Variants in DZIP1 observed in about 807,000 individuals in gnomAD.
DZIP1 encodes the protein cilium assembly protein DZIP1.
A neutral mutation model predicts 107.6 loss-of-function variants in DZIP1; 97 were observed. That is an observed-to-expected ratio of 0.90 (90% CI 0.77 to 1.07). DZIP1 has a LOEUF of 1.07. DZIP1 is among the 50% of genes least tolerant of loss of function. The probability of loss-of-function intolerance (pLI) is 0.00; values close to 1 mark genes in which losing one functional copy is unlikely to be tolerated. For synonymous variants in DZIP1, 390 were observed against 386.4 expected (o/e 1.01, Z -0.11); for missense variants, 1,035 against 1,063.6 (o/e 0.97, Z 0.37).
intron 10 of DZIP1, among the ~76,000 whole-genome samples, chr13:95,612,750 A>G (rs190725698): frequency 6.6e-6 from 1 of 152,030 alleles, no homozygotes; most frequent in Admixed American, 6.6e-5. Context: ...ATACCTGGCT[A>G]AATTTTGTAT....
chr13:95,613,511 CAA>C (rs11356166), intron 10 of DZIP1, among the ~76,000 whole-genome samples: 27 of 140,354 alleles, frequency 1.9e-4, no homozygotes, highest in Non-Finnish European at 2.2e-4. Context: ...GATTCCGTCT[CAA>C]AAAAAAAAAA....
intron 6 of DZIP1, chr13:95,630,862 G>T: frequency 1.6e-6 from 1 of 618,170 alleles, no homozygotes; most frequent in Non-Finnish European, 2.6e-6. Context: ...TCTGAAACGA[G>T]TATGAGTTAG....
intron 12 of DZIP1, among the ~76,000 whole-genome samples, chr13:95,610,111 T>TGTGTGTGTGAGAGAGAGAGA (rs368276400): frequency 7.9e-5 from 10 of 126,764 alleles, no homozygotes; most frequent in African/African-American, 2.9e-4. Flanking sequence ...TGTGTGTGTG[T>TGTGTGTGTGAGAGAGAGAGA]GAGAGAGAGA....
At position 95,596,260 on chromosome 13, in the gene DZIP1, A is replaced by G. The variant is rs543627706; in HGVS notation, c.1538-2174T>C. On this transcript the variant is annotated intron_variant, in intron 15 of 22. Coordinates refer to ENST00000376829, the MANE Select transcript of DZIP1 (RefSeq NM_198968.4). ...CACCAAGACCAAGACAAAACTTTCT[A>G]AAGACTAGCATTTCCTTCAAATACA... 2.0e-5 allele frequency among the ~76,000 whole-genome samples: 3 copies of G among 152,294 alleles called. No individual in the cohort carries two copies. The South Asian group carries it at 6.2e-4, about 32-fold the overall frequency.
At position 95,630,023 on chromosome 13, in the gene DZIP1, G is replaced by T. The variant is rs1265705538; in HGVS notation, c.776C>A (p.Ala259Asp). 1 of 1,613,638 alleles carries T rather than the reference G, an allele frequency of 6.2e-7. No individual in the cohort carries two copies. Among genetic ancestry groups the T allele is most frequent in the African/African-American group, 1.3e-5 (1 of 75,014 alleles). ...ELQLTRSELEAAHHASAVRFS... is the reference protein window; with the variant it reads ...ELQLTRSELEDAHHASAVRFS... ...TCTGACTGCACTGGCATGGTGTGCA[G>T]CCTCTAGCTCAGACCTGGTGAGCTG... Residue 259 changes from alanine to aspartate, a missense_variant, in exon 7 of 23, where the codon GCT becomes GAT. Ala to Asp is a moderately radical substitution (Grantham distance 126, BLOSUM62 -2). Coordinates refer to ENST00000376829, the MANE Select transcript of DZIP1 (RefSeq NM_198968.4).
Position 95,643,273 on chromosome 13 carries a change from G to A in DZIP1, c.-427-16C>T, listed in dbSNP as rs1180558019. The A allele has an allele frequency of 6.6e-6, 1 of 151,998 alleles. No homozygotes were observed. The highest frequency in any genetic ancestry group is 2.4e-5 in the African/African-American group (1 of 41,372). 9.4% of individuals were successfully genotyped at this position (151,998 alleles called of 1,614,324 possible). ...TTTTTCTTTCCTAACATCCAAATAT[G>A]TGAACAGAAGAAAGGAAAATACAAT... On this transcript the variant is annotated splice_polypyrimidine_tract_variant and intron_variant, in intron 2 of 22. Transcript: ENST00000376829.
At chr13:95,604,585 T>C (rs1439836158) in intron 14 of DZIP1, among the ~76,000 whole-genome samples, 1 of 152,226 alleles carries the variant, frequency 6.6e-6, no homozygotes, top group Non-Finnish European at 1.5e-5. Context: ...CATGAACACA[T>C]GCTTTAGAAA....
intron 16 of DZIP1, 57 bp downstream of exon 16, chr13:95,593,887 A>G: frequency 6.4e-7 from 1 of 1,555,042 alleles, no homozygotes; most frequent in Non-Finnish European, 8.7e-7. Context: ...ATCATTTCTA[A>G]TTTAGAAAAC....
rs2043978450 is a variant in DZIP1 at position 95,579,076 on chromosome 13, A to C, written c.*3158T>G. On this transcript the variant is annotated 3_prime_UTR_variant, in exon 23 of 23. Coordinates refer to ENST00000376829, the MANE Select transcript of DZIP1 (RefSeq NM_198968.4). ...CACTAAGCATGTGGGAGTTATTTAT[A>C]TCCTACTGCTCAAGGTCATCGCCAA... 6.6e-6 allele frequency: 1 copy of C among 152,194 alleles called. No individual in the cohort carries two copies. Among genetic ancestry groups the C allele is most frequent in the African/African-American group, 2.4e-5 (1 of 41,442 alleles). The allele number at this position is 152,194 out of a possible 1,614,324, so 9.4% of individuals were successfully genotyped here. A position where few individuals can be genotyped will look rare whatever the true frequency, so the allele number is the denominator to read the frequency against.
At chr13:95,600,629 T>TAGATAGATAGATAGACAGAC (rs147121754) in intron 14 of DZIP1, among the ~76,000 whole-genome samples, 4 of 147,460 alleles carry the variant, frequency 2.7e-5, no homozygotes, top group Admixed American at 6.8e-5. Flanking sequence ...GATAGATAGA[T>TAGATAGATAGATAGACAGAC]AGACAGACAG....
At chr13:95,582,381 A>T in intron 22 of DZIP1, 68 bp from the exon 23 acceptor site, 1 of 1,293,214 alleles carries the variant, frequency 7.7e-7, no homozygotes, top group Non-Finnish European at 1.1e-6. Context: ...TCAAGTCTAT[A>T]AAAATCCATA....
intron 14 of DZIP1, among the ~76,000 whole-genome samples, chr13:95,600,514 T>C (rs1452313044): frequency 6.6e-6 from 1 of 152,108 alleles, no homozygotes; most frequent in Admixed American, 6.5e-5. Flanking sequence ...TTTTATTCAT[T>C]AAAGTATTTC....
chr13:95,622,623 C>T (rs2139270925), intron 8 of DZIP1, 143 bp from the exon 9 acceptor site: 2 of 843,050 alleles, frequency 2.4e-6, no homozygotes, highest in Non-Finnish European at 3.7e-6. Flanking sequence ...GCTTCTCCTG[C>T]TTCTGCTTCC....
At chr13:95,589,695 G>A (rs2044259514) in intron 18 of DZIP1, 108 bp downstream of exon 18, 1 of 1,412,666 alleles carries the variant, frequency 7.1e-7, no homozygotes, top group East Asian at 2.3e-5. Context: ...CCTCCAAAAT[G>A]GGGAGAAAAT....
At position 95,622,511 on chromosome 13, in the gene DZIP1, A is replaced by G. The variant is rs142950850; in HGVS notation, c.973-31T>C. The G allele has an allele frequency of 4.2e-4, 676 of 1,613,220 alleles. 6 individuals are homozygous for G. The African/African-American group carries it at 7.4e-3, about 18-fold the overall frequency. ...AGATAAAATTCAAGCTCAGTACTAC[A>G]GTTAGACTTTCATAAGATGGAAACA... On this transcript the variant is annotated intron_variant, in intron 8 of 22. Coordinates refer to ENST00000376829, the MANE Select transcript of DZIP1 (RefSeq NM_198968.4).
At chr13:95,628,667 T>A (rs1876839652) in intron 7 of DZIP1, among the ~76,000 whole-genome samples, 1 of 152,192 alleles carries the variant, frequency 6.6e-6, no homozygotes, top group African/African-American at 2.4e-5. Flanking sequence ...AAATGTGGTA[T>A]ACATACATAT....
At chr13:95,587,941 C>G in intron 19 of DZIP1, 1 of 484,742 alleles carries the variant, frequency 2.1e-6, no homozygotes, top group Non-Finnish European at 3.5e-6. Context: ...CTGCCAGCCA[C>G]GGGGCATGTT....
intron 14 of DZIP1, among the ~76,000 whole-genome samples, chr13:95,603,811 G>T (rs1053812717): frequency 6.6e-6 from 1 of 152,158 alleles, no homozygotes; most frequent in Non-Finnish European, 1.5e-5. Context: ...TGCCTGTACC[G>T]TTTAGCTTGT....
intron 10 of DZIP1, among the ~76,000 whole-genome samples, chr13:95,618,727 C>T (rs1875456166): frequency 2.0e-5 from 3 of 152,166 alleles, no homozygotes; most frequent in Non-Finnish European, 4.4e-5. Context: ...CAATTATACA[C>T]ATACATATTA....
Sources: allele counts gnomAD v4.1 joint callset (sites outside exome capture counted in the v4.1 genomes callset), GRCh38; gene constraint gnomAD v4.1.1; transcripts MANE v1.5; gene names NCBI Gene and HGNC (gene_info 2026-07-23, HGNC 2026-07-21).